RNF213: variants seen among roughly 807,000 people sequenced by gnomAD.
RNF213 encodes E3 ubiquitin-protein ligase RNF213.
Under a neutral mutation model 514.4 loss-of-function variants are expected in RNF213, and 341 were observed. The ratio of observed to expected loss-of-function variants is 0.66; its 90% CI spans 0.61 to 0.73. RNF213 has a LOEUF of 0.73. Among genes scored for constraint, RNF213 ranks in the 30% least tolerant of loss-of-function variants. RNF213 has a pLI of 0.00. For synonymous variants in RNF213, 2,655 were observed against 2,658.2 expected, an observed-to-expected ratio of 1.00 and a Z score of 0.04; for missense variants, 5,767 against 6,615.6, an observed-to-expected ratio of 0.87 and a Z score of 4.45.
At position 80,315,815 on chromosome 17, in the gene RNF213, TGG is replaced by T. The variant is rs2045917783; in HGVS notation, c.2812-1372_2812-1371del. 13 of 21,380 alleles carry T rather than the reference TGG, an allele frequency of 6.1e-4. 3 individuals carry two copies. The South Asian group carries it at 0.021, about 35-fold the overall frequency. The allele number at this position is 21,380 out of a possible 1,614,324, so 1.3% of individuals were successfully genotyped here. On this transcript the variant is annotated intron_variant, in intron 15 of 67. Transcript: ENST00000582970. ...GTGGTGGTGGTGGAGGTGGTGGTGG[TGG>T]TGGTGGTGGTGATGGTGATGGTGGT... is the stretch of plus-strand genomic sequence containing the variant.
chr17:80,389,205 C>G lies in RNF213; in HGVS notation c.15033C>G (p.Ile5011Met). The change falls in exon 65 of 68, where the codon ATC becomes ATG. Residue 5011 changes from isoleucine to methionine, a missense_variant. Ile to Met is a conservative substitution (Grantham distance 10). This residue lies in a region of RNF213 where 1,245 missense variants were observed against 1,339.0 expected (regional missense o/e 0.93). Coordinates refer to ENST00000582970, the MANE Select transcript of RNF213 (RefSeq NM_001256071.3). ...TCCCCAGCTCGGTCATTAGTGCCAT[C>G]AGTGGACAGCTGCAGTCCTACAGCG... ...DSLPSSVISA[I>M]SGQLQSYSDA... The G allele has an allele frequency of 6.2e-7, 1 of 1,614,178 alleles. No individual in the cohort carries two copies. Among genetic ancestry groups the G allele is most frequent in the African/African-American group, 1.3e-5 (1 of 75,056 alleles).
In RNF213 at chr17:80,383,744, C is replaced by G; in HGVS notation, c.14138C>G (p.Pro4713Arg). Residue 4713 changes from proline to arginine, a missense_variant, in exon 59 of 68, where the codon CCT (proline) becomes CGT (arginine). Physicochemically the swap from Pro to Arg is moderately radical, Grantham distance 103. Around this residue, in one of 13 missense-constraint regions of RNF213, gnomAD observed 1,245 missense variants for 1,339.0 expected, o/e 0.93. Coordinates refer to ENST00000582970, the MANE Select transcript of RNF213 (RefSeq NM_001256071.3). ...ISQDKRISSN[P>R]VAKIIYGDPV... ...CAAGATAAGCGTATCAGCTCTAACC[C>G]TGTGGCCAAAATAATATATGGTGAC... 1 of 1,614,116 alleles carries G rather than the reference C, an allele frequency of 6.2e-7. No homozygotes were observed.
rs564570727 is a variant in RNF213, at chr17:80,323,051, T to C, written c.3025-1979T>C. Among the ~76,000 whole-genome samples, 182 of 152,320 alleles carry C rather than the reference T, an allele frequency of 1.2e-3. 2 individuals are homozygous for C. Among genetic ancestry groups the C allele is most frequent in the African/African-American group, 4.2e-3 (173 of 41,570 alleles). On this transcript the variant is annotated intron_variant, in intron 17 of 67. Coordinates refer to ENST00000582970, the MANE Select transcript of RNF213 (RefSeq NM_001256071.3). ...GGCCTTTGATCCATTTTGAGTTCCT[T>C]TTTATATATGGTGTATATGGTGTGA... is the stretch of plus-strand genomic sequence containing the variant.
rs781405923 is a variant in RNF213, at chr17:80,374,506, G to A, written c.12991G>A (p.Gly4331Ser). 1.5e-5 allele frequency: 25 copies of A among 1,614,084 alleles called. No homozygotes were observed. The highest frequency in any genetic ancestry group is 7.7e-5 in the South Asian group (7 of 91,084). The change falls in exon 50 of 68, where the codon GGC becomes AGC. Residue 4331 changes from glycine to serine, a missense_variant. Coordinates refer to ENST00000582970, the MANE Select transcript of RNF213 (RefSeq NM_001256071.3). ...PGQMDRYLVY[G>S]DEYKALRDAV... The stretch of plus-strand genomic sequence containing the variant: ...CCAGATGGATAGGTACCTGGTGTAC[G>A]GCGATGAATACAAGGCTCTCCGTGA...
Position 80,363,636 on chromosome 17 carries a change from T to C in RNF213, c.11596T>C (p.Cys3866Arg), listed in dbSNP as rs1174753735. 2 of 1,613,918 alleles carry C rather than the reference T, an allele frequency of 1.2e-6. No homozygotes were observed. The highest frequency in any genetic ancestry group is 1.7e-6 in the Non-Finnish European group (2 of 1,180,048). ...CCTGGACGCATTTGCCGCAATGGCC[T>C]GCACGGAGATGCTGACAAGAAACAC... ...MTLDAFAAMA[C>R]TEMLTRNTLK... Residue 3866 changes from cysteine (C) to arginine (R), a missense_variant, in exon 41 of 68, where the codon TGC becomes CGC. Physicochemically the swap from Cys to Arg is radical, Grantham distance 180 (BLOSUM62 -3). Coordinates refer to ENST00000582970, the MANE Select transcript of RNF213 (RefSeq NM_001256071.3).
At chr17:80,392,847 C>T (rs1170143855) in intron 67 of RNF213, among the ~76,000 whole-genome samples, 2 of 152,142 alleles carry the variant, frequency 1.3e-5, no homozygotes, top group Non-Finnish European at 2.9e-5. Flanking sequence ...GCCTCAGCCT[C>T]CCAAAGTGCT....
rs1047399085 is a variant in RNF213, at chr17:80,374,364, G to C, written c.12943-94G>C. 26 of 1,557,780 alleles carry C rather than the reference G, an allele frequency of 1.7e-5. No homozygotes were observed. The Admixed American group carries it at 4.4e-4, about 26-fold the overall frequency. ...CCCAGCTTGGCTGCCTTTAAACCTC[G>C]AATGATCAACCACCTGGTTCCTGTA... On this transcript the variant is annotated intron_variant, in intron 49 of 67. Coordinates refer to ENST00000582970, the MANE Select transcript of RNF213 (RefSeq NM_001256071.3).
chr17:80,353,292 G>A lies in RNF213; in HGVS notation c.10424-220G>A. The A allele has an allele frequency of 1.3e-6, 1 of 775,650 alleles. No homozygotes were observed. Among genetic ancestry groups the A allele is most frequent in the South Asian group, 1.7e-5 (1 of 60,562 alleles). 48.0% of individuals were successfully genotyped at this position (775,650 alleles called of 1,614,324 possible). On this transcript the variant is annotated intron_variant, in intron 33 of 67. Transcript: ENST00000582970. The surrounding 1 kb of genome is among the most constrained non-coding windows in gnomAD (Gnocchi z 5.0). The stretch of plus-strand genomic sequence containing the variant: ...CTCTGTGAGCAGGCCAGCCATGGAA[G>A]TGAGCACCTAGAACACGCCAGAGCC...
In RNF213 at chr17:80,347,508, C is replaced by T. The variant is rs1490365543; in HGVS notation, c.9173C>T (p.Thr3058Ile). 6.2e-7 allele frequency: 1 copy of T among 1,613,984 alleles called. No homozygotes were observed. Among genetic ancestry groups the T allele is most frequent in the African/African-American group, 1.3e-5 (1 of 74,916 alleles). Residue 3058 changes from threonine (T) to isoleucine (I), a missense_variant, in exon 29 of 68, where the codon ACA (threonine) becomes ATA (isoleucine). Thr to Ile is a moderately conservative substitution (Grantham distance 89). This residue lies in a region of RNF213 where 919 missense variants were observed against 1,121.0 expected (regional missense o/e 0.82). Coordinates refer to ENST00000582970, the MANE Select transcript of RNF213 (RefSeq NM_001256071.3). This position sits in a 1 kb window ranked among gnomAD's most constrained non-coding sequence, Gnocchi z 7.2. ...GTGGCACTGCAGATCCTGCAGCAGA[C>T]ATTCTTCGAGGGGGACCAGCAGCCG... ...NYVALQILQQ[T>I]FFEGDQQPEI... is the part of the protein sequence containing the mutation.
chr17:80,367,956 T>G lies in RNF213; in HGVS notation c.11973-5T>G, dbSNP rs534665823. The G allele has an allele frequency of 8.3e-5, 134 of 1,614,234 alleles. No individual in the cohort carries two copies. The highest frequency in any genetic ancestry group is 1.0e-4 in the Non-Finnish European group (119 of 1,180,040). ...TCAGAACTGATTGCCCTTCTTGGAT[T>G]CTAGGTTTGGGATTCAGCCGTGCTC... On this transcript the variant is annotated splice_polypyrimidine_tract_variant and splice_region_variant and intron_variant, in intron 43 of 67. Coordinates refer to ENST00000582970, the MANE Select transcript of RNF213 (RefSeq NM_001256071.3).
chr17:80,387,787 T>C (rs1212745042), intron 63 of RNF213, among the ~76,000 whole-genome samples: 1 of 152,162 alleles, frequency 6.6e-6, no homozygotes, highest in Non-Finnish European at 1.5e-5. Context: ...TTAGCCCATT[T>C]CCCTGAACTG....
Position 80,372,615 on chromosome 17 carries a change from C to G in RNF213, c.12632C>G (p.Ala4211Gly). Residue 4211 changes from alanine to glycine, a missense_variant, in exon 48 of 68, where the codon GCA becomes GGA. This residue lies in a region of RNF213 where 1,245 missense variants were observed against 1,339.0 expected (regional missense o/e 0.93). Coordinates refer to ENST00000582970, the MANE Select transcript of RNF213 (RefSeq NM_001256071.3). ...EGRFLKAYSP[A>G]SRGREPANEA... ...CGTTTCCTTAAGGCATATTCTCCAG[C>G]AAGCCGGGGCCGAGAGCCTGCCAAC... The G allele has an allele frequency of 1.2e-6, 2 of 1,614,038 alleles. No individual in the cohort carries two copies. The highest frequency in any genetic ancestry group is 1.7e-6 in the Non-Finnish European group (2 of 1,180,002).
chr17:80,381,438 C>A, intron 56 of RNF213, 109 bp from the exon 57 acceptor site: 1 of 1,182,538 alleles, frequency 8.5e-7, no homozygotes, highest in Non-Finnish European at 1.3e-6. Context: ...TCTTAGAAAC[C>A]GCCTTCCGAC....
intron 2 of RNF213, among the ~76,000 whole-genome samples, chr17:80,272,974 G>T (rs2043876528): frequency 6.6e-6 from 1 of 152,132 alleles, no homozygotes; most frequent in South Asian, 2.1e-4. Flanking sequence ...ATCCACTCGT[G>T]GACATTGGGA....
At chr17:80,352,775 G>A (rs941563147) in intron 32 of RNF213, 165 bp from the exon 33 acceptor site, 2 of 971,228 alleles carry the variant, frequency 2.1e-6, no homozygotes, top group African/African-American at 3.2e-5. Flanking sequence ...GTATCGGGTT[G>A]GGTGGTTTCT....
rs2079761657 is a variant in RNF213 at position 80,376,403 on chromosome 17, T to C, written c.13288T>C (p.Leu4430=). 3 of 1,614,232 alleles carry C rather than the reference T, an allele frequency of 1.9e-6. No individual in the cohort carries two copies. Among genetic ancestry groups the C allele is most frequent in the Non-Finnish European group, 2.5e-6 (3 of 1,180,044 alleles). The change falls in exon 52 of 68, where the codon TTG becomes CTG. Residue 4430 remains leucine (L), a synonymous_variant. Transcript: ENST00000582970. ...GCTCGTGGACAATTCTGTGCCATTG[T>C]TGAGGGCGGGGCCTAGTGACAGCAA... is the stretch of plus-strand genomic sequence containing the variant. ...TSLVDNSVPL[L]RAGPSDSNLD... is the part of the protein sequence containing the mutation.
At chr17:80,268,354 G>GAAA (rs898719348) in intron 2 of RNF213, among the ~76,000 whole-genome samples, 5 of 73,180 alleles carry the variant, frequency 6.8e-5, no homozygotes, top group Admixed American at 1.6e-4. Flanking sequence ...CCCTGTCTCA[G>GAAA]AAAAAAAAAA....
At chr17:80,278,866 GC>G (rs1198192134) in intron 3 of RNF213, 1 of 1,537,226 alleles carries the variant, frequency 6.5e-7, no homozygotes, top group South Asian at 1.2e-5. Context: ...GCAGGATGCA[GC>G]CCCGCTTGAG....
chr17:80,376,855 A>G, intron 52 of RNF213, 27 bp from the exon 53 acceptor site: 1 of 1,601,368 alleles, frequency 6.2e-7, no homozygotes, highest in Non-Finnish European at 8.6e-7. Context: ...ACTTATCTAG[A>G]GCTGTCTCTG....
Sources: allele counts gnomAD v4.1 joint callset (sites outside exome capture counted in the v4.1 genomes callset), GRCh38; gene constraint gnomAD v4.1.1; regional missense constraint gnomAD v4.1.1; non-coding constraint Gnocchi (gnomAD v3.1); transcripts MANE v1.5; gene names NCBI Gene and HGNC (gene_info 2026-07-23, HGNC 2026-07-21).